The following HCN1 variants were observed in gnomAD, a reference collection of about 807,000 sequenced individuals.
The protein encoded by HCN1 is potassium/sodium hyperpolarization-activated cyclic nucleotide-gated channel 1.
Under a neutral mutation model 78.9 loss-of-function variants are expected in HCN1, and 13 were observed. The ratio of observed to expected loss-of-function variants is 0.16; its 90% CI spans 0.11 to 0.26. The LOEUF (loss-of-function observed/expected upper bound fraction) is 0.26, where lower values mean the gene tolerates loss of function less well. Ranked by LOEUF, HCN1 falls within the 10% of genes least tolerant of loss-of-function variation. The pLI, the probability that HCN1 is intolerant of heterozygous loss-of-function variation, is 1.00. For synonymous variants in HCN1, 552 were observed against 455.5 expected (o/e 1.21, Z -2.70); for missense variants, 810 against 1,154.3 (o/e 0.70, Z 4.32).
intron 2 of HCN1, among the ~76,000 whole-genome samples, chr5:45,533,086 T>TACTG (rs1742892842): frequency 6.6e-6 from 1 of 152,162 alleles, no homozygotes; most frequent in African/African-American, 2.4e-5. Context: ...AGGAAAGAAC[T>TACTG]ACTGCATGGA....
intron 3 of HCN1, among the ~76,000 whole-genome samples, chr5:45,447,202 A>C (rs1252093788): frequency 6.6e-6 from 1 of 152,192 alleles, no homozygotes; most frequent in Non-Finnish European, 1.5e-5. Context: ...TCTACCAAGC[A>C]AATGGAAAAC....
chr5:45,389,120 G>A (rs112355082), intron 4 of HCN1, among the ~76,000 whole-genome samples: 45 of 152,146 alleles, frequency 3.0e-4, no homozygotes, highest in South Asian at 1.5e-3. Context: ...GGCCTATAAG[G>A]TGTCACCTAA....
At chr5:45,677,638 G>A (rs1224504384) in intron 1 of HCN1, among the ~76,000 whole-genome samples, 1 of 151,636 alleles carries the variant, frequency 6.6e-6, no homozygotes, top group Non-Finnish European at 1.5e-5. Context: ...ATTTCTTCAA[G>A]GTAGGAATGA....
Position 45,561,599 on chromosome 5 carries a change from A to G in HCN1, c.849+83586T>C, listed in dbSNP as rs1478255692. On this transcript the variant is annotated intron_variant, in intron 2 of 7. Coordinates refer to ENST00000303230, the MANE Select transcript of HCN1 (RefSeq NM_021072.4). Reference sequence around the variant, plus strand: ...TTGTCCCTGGCTCCTGAGAAAAAAGAAAAAAAAAAAACCCAGGTAAGACGA... The same window carrying G: ...TTGTCCCTGGCTCCTGAGAAAAAAGGAAAAAAAAAAACCCAGGTAAGACGA... Among the ~76,000 whole-genome samples the G allele has an allele frequency of 4.3e-4, 25 of 58,494 alleles. No homozygotes were observed. The Admixed American group carries it at 4.4e-3, about 10-fold the overall frequency. 38.4% of individuals were successfully genotyped at this position (58,494 alleles called of 152,430 possible). A position where few individuals can be genotyped will look rare whatever the true frequency, so the allele number is the denominator to read the frequency against.
chr5:45,498,163 T>C (rs1742091653), intron 2 of HCN1, among the ~76,000 whole-genome samples: 2 of 152,226 alleles, frequency 1.3e-5, no homozygotes, highest in Non-Finnish European at 2.9e-5. Flanking sequence ...TTCTCCTGGA[T>C]AATGTCCTGC....
In HCN1 at chr5:45,695,808, T is replaced by A; in HGVS notation, c.286A>T (p.Arg96Trp). 3 of 1,610,098 alleles carry A rather than the reference T, an allele frequency of 1.9e-6. No individual in the cohort carries two copies. The highest frequency in any genetic ancestry group is 2.5e-6 in the Non-Finnish European group (3 of 1,179,492). Reference sequence around the variant, plus strand: ...GGCTGCAGCATGGAGGTGAACTGCCTCTGCATGAAGCCGTACTGCCGCCGG... The same window carrying A: ...GGCTGCAGCATGGAGGTGAACTGCCACTGCATGAAGCCGTACTGCCGCCGG... ...GPRRQYGFMQ[R>W]QFTSMLQPGV... Residue 96 changes from arginine to tryptophan, a missense_variant, in exon 1 of 8, where the codon AGG (arginine) becomes TGG (tryptophan). Arg to Trp is a moderately radical substitution (Grantham distance 101). Transcript: ENST00000303230.
chr5:45,261,117 G>T lies in HCN1; in HGVS notation c.*804C>A, dbSNP rs555001055. ...TGTAAAATTTAAAACTCTAAGTTTT[G>T]AAGTGAAGCAATAAAACTAAATTCT... is the stretch of plus-strand genomic sequence containing the variant. On this transcript the variant is annotated 3_prime_UTR_variant, in exon 8 of 8. Transcript: ENST00000303230. 2 of 152,692 alleles carry T rather than the reference G, an allele frequency of 1.3e-5. No individual in the cohort carries two copies. The highest frequency in any genetic ancestry group is 2.1e-4 in the South Asian group (1 of 4,824). The allele number at this position is 152,692 out of a possible 1,614,324, so 9.5% of individuals were successfully genotyped here.
chr5:45,518,629 C>A (rs1013389476), intron 2 of HCN1, among the ~76,000 whole-genome samples: 3 of 151,990 alleles, frequency 2.0e-5, no homozygotes, highest in Non-Finnish European at 4.4e-5. Flanking sequence ...TGGACAATCC[C>A]TTCAGGGGCT....
At chr5:45,666,986 T>A (rs1746062805) in intron 1 of HCN1, among the ~76,000 whole-genome samples, 1 of 151,902 alleles carries the variant, frequency 6.6e-6, no homozygotes, top group South Asian at 2.1e-4. Context: ...AAGTGAAATA[T>A]CTAAAACTTG....
At chr5:45,283,682 C>T (rs1018481809) in intron 6 of HCN1, among the ~76,000 whole-genome samples, 1 of 152,130 alleles carries the variant, frequency 6.6e-6, no homozygotes, top group African/African-American at 2.4e-5. Context: ...AACACTTATA[C>T]ACTGTTGGTT....
At chr5:45,623,673 T>C (rs1056064901) in intron 2 of HCN1, among the ~76,000 whole-genome samples, 1 of 152,192 alleles carries the variant, frequency 6.6e-6, no homozygotes, top group South Asian at 2.1e-4. Flanking sequence ...ATAATGACTA[T>C]AAATTTACTA....
chr5:45,615,462 A>T (rs1744924308), intron 2 of HCN1, among the ~76,000 whole-genome samples: 2 of 152,012 alleles, frequency 1.3e-5, no homozygotes, highest in Non-Finnish European at 2.9e-5. Context: ...TTGAAAACAC[A>T]CTGAAACTTC....
intron 6 of HCN1, among the ~76,000 whole-genome samples, chr5:45,294,055 G>A (rs976457726): frequency 6.6e-5 from 10 of 151,846 alleles, no homozygotes; most frequent in African/African-American, 2.4e-4. Context: ...AAAAAATTGA[G>A]CTAATCAAAT....
intron 4 of HCN1, among the ~76,000 whole-genome samples, chr5:45,381,700 C>T (rs1005034181): frequency 6.6e-6 from 1 of 152,026 alleles, no homozygotes; most frequent in Non-Finnish European, 1.5e-5. Flanking sequence ...TGCATAAATC[C>T]CAGACCTTCC....
At chr5:45,659,244 C>T (rs1365145202) in intron 1 of HCN1, among the ~76,000 whole-genome samples, 1 of 139,678 alleles carries the variant, frequency 7.2e-6, no homozygotes, top group South Asian at 2.4e-4. Context: ...GCTGAGGGTC[C>T]TGTCTGTTAG....
intron 3 of HCN1, among the ~76,000 whole-genome samples, chr5:45,413,332 C>A (rs577200264): frequency 2.6e-5 from 4 of 152,074 alleles, no homozygotes; most frequent in Admixed American, 1.3e-4. Flanking sequence ...TACCTGAATT[C>A]AACACTGTTG....
At chr5:45,282,826 T>C (rs2111871531) in intron 6 of HCN1, among the ~76,000 whole-genome samples, 1 of 152,326 alleles carries the variant, frequency 6.6e-6, no homozygotes, top group Middle Eastern at 3.4e-3. Flanking sequence ...TATTTCTCTT[T>C]ACAGAAACCC....
intron 5 of HCN1, among the ~76,000 whole-genome samples, chr5:45,325,652 T>C (rs572487402): frequency 6.6e-6 from 1 of 151,806 alleles, no homozygotes; most frequent in South Asian, 2.1e-4. Flanking sequence ...TCTTCTAAAT[T>C]GCAAGATGGT....
At chr5:45,651,245 A>C (rs1336435967) in intron 1 of HCN1, among the ~76,000 whole-genome samples, 1 of 152,014 alleles carries the variant, frequency 6.6e-6, no homozygotes, top group African/African-American at 2.4e-5. Flanking sequence ...CCCAAAAGAT[A>C]AATGCTTTTG....
Sources: gnomAD v4.1 joint callset for allele counts (sites outside exome capture counted in the v4.1 genomes callset) on GRCh38, gnomAD v4.1.1 for gene constraint, MANE v1.5 for transcripts, NCBI Gene and HGNC (gene_info 2026-07-23, HGNC 2026-07-21) for gene names.